Variants in ST6GALNAC1 observed in about 807,000 individuals in gnomAD.
ST6GALNAC1 encodes the protein ST6 N-acetylgalactosaminide alpha-2,6-sialyltransferase 1.
ST6GALNAC1 carries 45 observed loss-of-function variants against 56.8 expected under a neutral mutation model. That is an observed-to-expected ratio of 0.79 (90% CI 0.62 to 1.02). The LOEUF (loss-of-function observed/expected upper bound fraction) is 1.02, where lower values mean the gene tolerates loss of function less well. Among genes scored for constraint, ST6GALNAC1 ranks in the 50% least tolerant of loss-of-function variants. The pLI, the probability that ST6GALNAC1 is intolerant of heterozygous loss-of-function variation, is 0.00. For missense variants in ST6GALNAC1, 743 were observed against 754.8 expected (o/e 0.98, Z 0.18); for synonymous variants, 295 against 297.8 (o/e 0.99, Z 0.10).
chr17:76,640,102 C>T (rs1219941375), intron 1 of ST6GALNAC1, among the ~76,000 whole-genome samples: 2 of 152,124 alleles, frequency 1.3e-5, no homozygotes, highest in Non-Finnish European at 2.9e-5. Flanking sequence ...TCTAGGATCA[C>T]GTCTCCCACT....
rs1418049600 is a variant in ST6GALNAC1, at chr17:76,626,668, T to A, written c.1294A>T (p.Asn432Tyr). The A allele has an allele frequency of 6.2e-7, 1 of 1,614,026 alleles. No individual in the cohort carries two copies. Among genetic ancestry groups the A allele is most frequent in the Non-Finnish European group, 8.5e-7 (1 of 1,180,026 alleles). The change falls in exon 5 of 9, where the codon AAC becomes TAC. Residue 432 changes from asparagine to tyrosine, a missense_variant. By Grantham distance (143) the Asn-to-Tyr change is moderately radical. Transcript: ENST00000156626. Reference protein sequence around the residue: ...LLILGNRGFKNVPLGKDVRYL... With the variant: ...LLILGNRGFKYVPLGKDVRYL... ...TTGCTCACCTTCCCAAGAGGCACGT[T>A]CTTGAAACCCCGATTGCCCAATATA...
At chr17:76,618,782 A>AG in the ST6GALNAC1 span, among the ~76,000 whole-genome samples, 1 of 149,738 alleles carries the variant, frequency 6.7e-6, no homozygotes, top group Admixed American at 6.6e-5. Flanking sequence ...CTCCATATCA[A>AG]AAAAAAAAAA....
chr17:76,627,895 A>G lies in ST6GALNAC1; in HGVS notation c.832-312T>C, dbSNP rs2075828891. On this transcript the variant is annotated intron_variant, in intron 2 of 8. Transcript: ENST00000156626. This position sits in a 1 kb window ranked among gnomAD's most constrained non-coding sequence, Gnocchi z 4.4. ...GGTGGATCACAAGGTCAGGAGATCGAGACCATCCTGGCTAACACGGTGAAA... is the reference window on the plus strand; with the variant it reads ...GGTGGATCACAAGGTCAGGAGATCGGGACCATCCTGGCTAACACGGTGAAA... Among the ~76,000 whole-genome samples the G allele has an allele frequency of 6.6e-6, 1 of 152,044 alleles. No homozygotes were observed.
Position 76,626,099 on chromosome 17 carries a change from T to C in ST6GALNAC1, c.1416-4A>G, listed in dbSNP as rs774170556. The C allele has an allele frequency of 2.5e-6, 4 of 1,614,064 alleles. No homozygotes were observed. The highest frequency in any genetic ancestry group is 3.4e-6 in the Non-Finnish European group (4 of 1,179,980). On this transcript the variant is annotated splice_region_variant and splice_polypyrimidine_tract_variant and intron_variant, in intron 6 of 8. Transcript: ENST00000156626. ...AAAAGCTTCCTGGGGTCTGTGCCTG[T>C]GGTTAGGAAGGGGTCATTCAGACTC...
At chr17:76,620,395 C>T (rs1333370840), downstream of ST6GALNAC1, among the ~76,000 whole-genome samples, 2 of 152,100 alleles carry the variant, frequency 1.3e-5, no homozygotes, top group African/African-American at 4.8e-5. Flanking sequence ...TTTTCCCCAT[C>T]CTGTTGATTT....
At chr17:76,631,611 T>C (rs2075901808) in intron 1 of ST6GALNAC1, among the ~76,000 whole-genome samples, 1 of 148,788 alleles carries the variant, frequency 6.7e-6, no homozygotes, top group Admixed American at 6.6e-5. Flanking sequence ...TTCTACTCTT[T>C]CTGTCTCTGC....
intron 1 of ST6GALNAC1, among the ~76,000 whole-genome samples, chr17:76,632,172 C>T (rs2075911637): frequency 6.6e-6 from 1 of 152,162 alleles, no homozygotes; most frequent in Non-Finnish European, 1.5e-5. Flanking sequence ...TTCCCAACCC[C>T]CAGCCTCAAG....
At chr17:76,620,894 C>T (rs375936034), downstream of ST6GALNAC1, among the ~76,000 whole-genome samples, 265 of 152,188 alleles carry the variant, frequency 1.7e-3, 2 homozygotes, top group African/African-American at 5.8e-3. Context: ...CATGCCTGGT[C>T]GCATATTTCT....
intron 4 of ST6GALNAC1, 118 bp downstream of exon 4, chr17:76,626,949 T>C: frequency 6.9e-7 from 1 of 1,450,116 alleles, no homozygotes; most frequent in Non-Finnish European, 9.3e-7. Flanking sequence ...GCGTGGAACA[T>C]CCTATGGGTC....
chr17:76,625,361 G>A lies in ST6GALNAC1; in HGVS notation c.1772C>T (p.Pro591Leu). 6.2e-7 allele frequency: 1 copy of A among 1,613,818 alleles called. No individual in the cohort carries two copies. Among genetic ancestry groups the A allele is most frequent in the South Asian group, 1.1e-5 (1 of 91,058 alleles). The part of the protein sequence containing the change: ...DEGIIRLYQR[P>L]GPGTAKAKN ...CTTGGCTTTGGCAGTTCCGGGACCA[G>A]GACGCTGGTACAGCCGGATTATCCC... is the stretch of plus-strand genomic sequence containing the variant. The change falls in exon 9 of 9, where the codon CCT becomes CTT. Residue 591 changes from proline to leucine, a missense_variant. Pro to Leu is a moderately conservative substitution (Grantham distance 98). Transcript: ENST00000156626.
chr17:76,618,081 G>A, the ST6GALNAC1 span, among the ~76,000 whole-genome samples: 4 of 152,294 alleles, frequency 2.6e-5, no homozygotes, highest in East Asian at 7.7e-4. Context: ...TTTGATTTTA[G>A]CAGCCAAGGT....
the ST6GALNAC1 span, among the ~76,000 whole-genome samples, chr17:76,618,197 G>A: frequency 8.1e-4 from 124 of 152,304 alleles, no homozygotes; most frequent in African/African-American, 3.0e-3. Flanking sequence ...CAGGCTATCA[G>A]TATGGGGTAT....
chr17:76,627,352 TG>T lies in ST6GALNAC1; in HGVS notation c.1000+62del. 1 of 1,591,290 alleles carries T rather than the reference TG, an allele frequency of 6.3e-7. No individual in the cohort carries two copies. Among genetic ancestry groups the T allele is most frequent in the Admixed American group, 1.7e-5 (1 of 57,700 alleles). ...GGAAGAGGCAGACCAGAAAGCCAGC[TG>T]CCCTCTGCCCTCTGCCCCGGCCTAC... On this transcript the variant is annotated intron_variant, in intron 3 of 8. Transcript: ENST00000156626. The surrounding 1 kb of genome is among the most constrained non-coding windows in gnomAD (Gnocchi z 4.4).
intron 1 of ST6GALNAC1, chr17:76,641,784 G>T (rs1376512346): frequency 6.6e-6 from 1 of 152,172 alleles, no homozygotes; most frequent in Non-Finnish European, 1.5e-5. Flanking sequence ...CTTGATAGGG[G>T]TTGGTTAAGT....
At chr17:76,623,320 G>A (rs1450882526), downstream of ST6GALNAC1, among the ~76,000 whole-genome samples, 2 of 152,134 alleles carry the variant, frequency 1.3e-5, no homozygotes, top group East Asian at 1.9e-4. Flanking sequence ...CTTTTCTTTC[G>A]CAGGTATTCC....
At chr17:76,626,622 T>C (rs2075802302) in intron 5 of ST6GALNAC1, 29 bp downstream of exon 5, 2 of 1,613,616 alleles carry the variant, frequency 1.2e-6, no homozygotes, top group Non-Finnish European at 1.7e-6. Flanking sequence ...AGAGTCTGGG[T>C]GTGGCCAGGC....
intron 4 of ST6GALNAC1, 62 bp from the exon 5 acceptor site, chr17:76,626,851 G>A: frequency 6.3e-7 from 1 of 1,593,568 alleles, no homozygotes; most frequent in Non-Finnish European, 8.6e-7. Context: ...TGTGTAGGTG[G>A]ATGGGGAAAG....
In ST6GALNAC1 at chr17:76,627,530, T is replaced by A. The variant is rs770833081; in HGVS notation, c.885A>T (p.Lys295Asn). The part of the protein sequence containing the change: ...IKASKSLWLQ[K>N]LFLPNLTLFL... ...AGAGAGTGAGGTTGGGCAGAAAGAG[T>A]TTCTGGAGCCACAGCGACTTGGAGG... Residue 295 changes from lysine to asparagine, a missense_variant, in exon 3 of 9, where the codon AAA becomes AAT. Lys to Asn is a moderately conservative substitution (Grantham distance 94, BLOSUM62 0). Coordinates refer to ENST00000156626, the MANE Select transcript of ST6GALNAC1 (RefSeq NM_018414.5). The surrounding 1 kb of genome is among the most constrained non-coding windows in gnomAD (Gnocchi z 4.4). 6.2e-7 allele frequency: 1 copy of A among 1,613,734 alleles called. No individual in the cohort carries two copies.
rs1025608556 is a variant in ST6GALNAC1, at chr17:76,640,377, C to T, written c.131+3131G>A. ...CTCTAGACCAGAACCAGGCATCGCTCTACTTAACATTTGCCCCTTAACTCC... is the reference window on the plus strand; with the variant it reads ...CTCTAGACCAGAACCAGGCATCGCTTTACTTAACATTTGCCCCTTAACTCC... On this transcript the variant is annotated intron_variant, in intron 1 of 8. Transcript: ENST00000156626. Among the ~76,000 whole-genome samples the T allele has an allele frequency of 3.3e-5, 5 of 152,300 alleles. No individual in the cohort carries two copies. In the South Asian group the frequency reaches 1.0e-3, roughly 32 times the overall value.
Sources: gnomAD v4.1 joint callset for allele counts (sites outside exome capture counted in the v4.1 genomes callset) on GRCh38, gnomAD v4.1.1 for gene constraint, Gnocchi (gnomAD v3.1) non-coding constraint, MANE v1.5 for transcripts, NCBI Gene and HGNC (gene_info 2026-07-23, HGNC 2026-07-21) for gene names.